IGSF11: variants seen among roughly 807,000 people sequenced by gnomAD.
IGSF11 encodes immunoglobulin superfamily member 11, also known as CXADR like 1.
A neutral mutation model predicts 41.0 loss-of-function variants in IGSF11; 22 were observed. The ratio of observed to expected loss-of-function variants is 0.54; its 90% CI spans 0.38 to 0.77. The LOEUF is 0.77. Ranked by LOEUF, IGSF11 falls within the 30% of genes least tolerant of loss-of-function variation. The pLI is 0.00. For synonymous variants in IGSF11, 219 were observed against 201.3 expected (o/e 1.09, Z -0.74); for missense variants, 444 against 530.8 (o/e 0.84, Z 1.61).
At chr3:119,117,572 G>A (rs2077275973) in intron 1 of IGSF11, among the ~76,000 whole-genome samples, 1 of 152,154 alleles carries the variant, frequency 6.6e-6, no homozygotes, top group South Asian at 2.1e-4. Context: ...TGAGATTTGG[G>A]TGGAGACACA....
rs1214876918 is a variant in IGSF11 at position 119,097,456 on chromosome 3, C to T, written c.49+7688G>A. On this transcript the variant is annotated intron_variant, in intron 1 of 6. Coordinates refer to the IGSF11 transcript ENST00000354673. ...GAGCAAACTGCTTATGGAGAGCACA[C>T]ATTTCACTACTCCTCCAGGGAATCT... Among the ~76,000 whole-genome samples, 4 of 147,592 alleles carry T rather than the reference C, an allele frequency of 2.7e-5. No homozygotes were observed. In the East Asian group the frequency reaches 5.8e-4, roughly 21 times the overall value.
In IGSF11 at chr3:118,917,096, G is replaced by T. The variant is rs1045515406; in HGVS notation, c.580+9005C>A. ...CACAACATAGCAGAATCTCTGGGAC[G>T]CATTCAAAGCAGTGTGTAGAGGGAA... is the stretch of plus-strand genomic sequence containing the variant. On this transcript the variant is annotated intron_variant, in intron 4 of 6. Coordinates refer to ENST00000393775, the MANE Select transcript of IGSF11 (RefSeq NM_001015887.3). Among the ~76,000 whole-genome samples the T allele has an allele frequency of 4.0e-5, 6 of 151,654 alleles. No homozygotes were observed. In the East Asian group the frequency reaches 5.8e-4, roughly 15 times the overall value.
At chr3:118,945,214 G>C (rs1029144768) in intron 1 of IGSF11, among the ~76,000 whole-genome samples, 2 of 152,014 alleles carry the variant, frequency 1.3e-5, no homozygotes, top group Non-Finnish European at 2.9e-5. Flanking sequence ...AAAAAAACCA[G>C]AAAACAGAGG....
Position 119,087,802 on chromosome 3 carries a change from A to G in IGSF11, c.49+17342T>C, listed in dbSNP as rs1576783770. 2.6e-5 allele frequency among the ~76,000 whole-genome samples: 4 copies of G among 152,124 alleles called. No homozygotes were observed. The East Asian group carries it at 7.7e-4, about 29-fold the overall frequency. On this transcript the variant is annotated intron_variant, in intron 1 of 6. Transcript: ENST00000354673. ...AAATTAAAATTTTTTTTAATAATAA[A>G]TAAGGAAAAAAATTAAGAAGGACAA...
chr3:118,907,617 G>A lies in IGSF11; in HGVS notation c.581-1899C>T, dbSNP rs935406698. On this transcript the variant is annotated intron_variant, in intron 4 of 6. Coordinates refer to ENST00000393775, the MANE Select transcript of IGSF11 (RefSeq NM_001015887.3). ...ATAAAAGTGCTGCCTACTCTTTAGC[G>A]TCTGTTGTGTACCACATACACTGCA... Among the ~76,000 whole-genome samples the A allele has an allele frequency of 4.6e-5, 7 of 152,138 alleles. No individual in the cohort carries two copies. The East Asian group carries it at 7.7e-4, about 17-fold the overall frequency.
chr3:119,108,178 C>T (rs368462996), upstream of IGSF11, among the ~76,000 whole-genome samples: 3,461 of 76,084 alleles, frequency 0.045, no homozygotes, highest in South Asian at 0.1. Context: ...TTACCTTGGG[C>T]AGTATGGCCA....
intron 1 of IGSF11, among the ~76,000 whole-genome samples, chr3:119,032,868 C>A (rs1164685697): frequency 1.3e-5 from 2 of 152,188 alleles, no homozygotes; most frequent in Non-Finnish European, 1.5e-5. Flanking sequence ...TGTATTCCAC[C>A]ACCACCTTTC....
At chr3:118,934,889 G>C (rs1319706548) in intron 1 of IGSF11, among the ~76,000 whole-genome samples, 1 of 152,086 alleles carries the variant, frequency 6.6e-6, no homozygotes, top group East Asian at 1.9e-4. Context: ...TCTGTTTTCT[G>C]TCTTTCCTCT....
intron 1 of IGSF11, among the ~76,000 whole-genome samples, chr3:119,058,303 A>C (rs574669966): frequency 0.046 from 7,066 of 152,320 alleles, 227 homozygotes; most frequent in Non-Finnish European, 0.071. Context: ...CCCATCAAAA[A>C]GTGGGCAAAG....
In IGSF11 at chr3:119,057,396, C is replaced by T. The variant is rs562319977; in HGVS notation, c.49+47748G>A. The stretch of plus-strand genomic sequence containing the variant: ...AATTGCTTCAAAGAGAATAAAATAC[C>T]TAGGAATCCAACTTACAAGGGATGT... On this transcript the variant is annotated intron_variant, in intron 1 of 6. Transcript: ENST00000354673. Among the ~76,000 whole-genome samples, 232 of 152,050 alleles carry T rather than the reference C, an allele frequency of 1.5e-3. 2 individuals are homozygous for T. The East Asian group carries it at 0.031, about 20-fold the overall frequency.
upstream of IGSF11, among the ~76,000 whole-genome samples, chr3:119,109,679 G>A (rs778812817): frequency 6.6e-6 from 1 of 152,108 alleles, no homozygotes; most frequent in Non-Finnish European, 1.5e-5. Flanking sequence ...TAATTGTGAT[G>A]TTAGGGTGTC....
chr3:119,068,666 A>G (rs1264505944), intron 1 of IGSF11, among the ~76,000 whole-genome samples: 3 of 152,204 alleles, frequency 2.0e-5, no homozygotes, highest in Non-Finnish European at 4.4e-5. Flanking sequence ...CTCTAATAAG[A>G]AAGTTTTTAG....
intron 5 of IGSF11, 62 bp from the exon 6 acceptor site, chr3:118,904,860 T>C (rs1939382147): frequency 1.5e-6 from 2 of 1,364,168 alleles, no homozygotes; most frequent in East Asian, 2.3e-5. Flanking sequence ...CATATACCCA[T>C]GCAACTGTAA....
intron 1 of IGSF11, among the ~76,000 whole-genome samples, chr3:119,133,810 C>T (rs756749125): frequency 5.3e-5 from 8 of 152,116 alleles, no homozygotes; most frequent in South Asian, 2.1e-4. Context: ...AACATCGATG[C>T]GAAAATCTTC....
At position 118,902,841 on chromosome 3, in the gene IGSF11, A is replaced by C; in HGVS notation, c.975T>G (p.Asn325Lys). ...NAYNSRYWSN[N>K]PKVHRNTESV... is the part of the protein sequence containing the mutation. ...ACTCTGTGTTTCTATGAACTTTTGGATTGTTGCTCCAGTATCGACTGTTGT... is the reference window on the plus strand; with the variant it reads ...ACTCTGTGTTTCTATGAACTTTTGGCTTGTTGCTCCAGTATCGACTGTTGT... Residue 325 changes from asparagine to lysine, a missense_variant, in exon 7 of 7, where the codon AAT becomes AAG. Around this residue, in one of 3 missense-constraint regions of IGSF11, gnomAD observed 223 missense variants for 226.2 expected, o/e 0.99. Coordinates refer to ENST00000393775, the MANE Select transcript of IGSF11 (RefSeq NM_001015887.3). The C allele has an allele frequency of 6.2e-7, 1 of 1,614,088 alleles. No homozygotes were observed. The highest frequency in any genetic ancestry group is 1.1e-5 in the South Asian group (1 of 91,084).
intron 1 of IGSF11, among the ~76,000 whole-genome samples, chr3:119,023,472 T>C (rs1331693677): frequency 6.6e-6 from 1 of 151,972 alleles, no homozygotes; most frequent in Non-Finnish European, 1.5e-5. Flanking sequence ...GTCTGGACAA[T>C]ATCAGAAGCC....
chr3:119,075,533 A>G (rs11921780), intron 1 of IGSF11, among the ~76,000 whole-genome samples: 4,196 of 152,218 alleles, frequency 0.028, 179 homozygotes, highest in African/African-American at 0.096. Context: ...AAACAAAAAC[A>G]TTCAAGCCAA....
At chr3:119,000,063 C>CTTTTT (rs1297321950) in intron 1 of IGSF11, among the ~76,000 whole-genome samples, 32 of 98,706 alleles carry the variant, frequency 3.2e-4, no homozygotes, top group African/African-American at 6.4e-4. Flanking sequence ...ATTCATTATT[C>CTTTTT]TTTTTTTTTT....
intron 1 of IGSF11, among the ~76,000 whole-genome samples, chr3:119,080,819 T>C (rs879419737): frequency 1.3e-5 from 2 of 152,176 alleles, no homozygotes; most frequent in Admixed American, 1.3e-4. Context: ...AATTTGCATC[T>C]TTAAAGGAAG....
Sources: gnomAD v4.1 joint callset for allele counts (sites outside exome capture counted in the v4.1 genomes callset) on GRCh38, gnomAD v4.1.1 for gene constraint, gnomAD v4.1.1 regional missense constraint, MANE v1.5 for transcripts, NCBI Gene and HGNC (gene_info 2026-07-23, HGNC 2026-07-21) for gene names.